The following GALNT13 variants were observed in gnomAD, a reference collection of about 807,000 sequenced individuals.
GALNT13 encodes UDP-GalNAc:polypeptide N-acetylgalactosaminyltransferase 13.
A neutral mutation model predicts 64.2 loss-of-function variants in GALNT13; 28 were observed. The observed-to-expected ratio is 0.44, with a 90% confidence interval of 0.32 to 0.60. The LOEUF is 0.60. Ranked by LOEUF, GALNT13 falls within the 20% of genes least tolerant of loss-of-function variation. The pLI, the probability that GALNT13 is intolerant of heterozygous loss-of-function variation, is 0.05. For synonymous variants in GALNT13, 214 were observed against 224.6 expected, an observed-to-expected ratio of 0.95 and a Z score of 0.42; for missense variants, 577 against 669.8, an observed-to-expected ratio of 0.86 and a Z score of 1.53.
the GALNT13 span, among the ~76,000 whole-genome samples, chr2:153,590,329 A>G: frequency 1.3e-5 from 2 of 152,168 alleles, no homozygotes; most frequent in African/African-American, 4.8e-5. Flanking sequence ...AAATAGTGAG[A>G]TTGAATTAGT....
chr2:153,792,968 T>G, the GALNT13 span, among the ~76,000 whole-genome samples: 1 of 144,632 alleles, frequency 6.9e-6, no homozygotes, highest in Non-Finnish European at 1.5e-5. Flanking sequence ...TTTTCTTTCT[T>G]TCTTTTTTTT....
At chr2:154,413,332 C>T (rs1010760747) in intron 11 of GALNT13, among the ~76,000 whole-genome samples, 19 of 151,928 alleles carry the variant, frequency 1.3e-4, no homozygotes, top group African/African-American at 4.3e-4. Context: ...GGAAAAATGT[C>T]CCTACATCTT....
chr2:153,394,575 A>G, the GALNT13 span, among the ~76,000 whole-genome samples: 1 of 152,122 alleles, frequency 6.6e-6, no homozygotes, highest in African/African-American at 2.4e-5. Flanking sequence ...AAAACTTAGC[A>G]TGAACTCCCT....
At chr2:153,273,458 T>C in the GALNT13 span, among the ~76,000 whole-genome samples, 1 of 152,178 alleles carries the variant, frequency 6.6e-6, no homozygotes, top group Admixed American at 6.6e-5. Flanking sequence ...ATAATGCTTC[T>C]TACCCGGTAC....
intron 11 of GALNT13, among the ~76,000 whole-genome samples, chr2:154,422,589 G>A (rs541452157): frequency 1.3e-5 from 2 of 152,228 alleles, no homozygotes; most frequent in East Asian, 3.9e-4. Flanking sequence ...CAGCTCTCTA[G>A]TTCTAACTCT....
At chr2:154,198,310 C>T (rs764026098) in intron 4 of GALNT13, among the ~76,000 whole-genome samples, 1 of 151,906 alleles carries the variant, frequency 6.6e-6, no homozygotes, top group Non-Finnish European at 1.5e-5. Flanking sequence ...TTAATTGTAC[C>T]TCACATGCTT....
At chr2:153,113,570 T>G in the GALNT13 span, among the ~76,000 whole-genome samples, 1 of 152,202 alleles carries the variant, frequency 6.6e-6, no homozygotes. Flanking sequence ...AGAGTACTTA[T>G]AATACTTCAT....
the GALNT13 span, among the ~76,000 whole-genome samples, chr2:153,855,053 A>C: frequency 4.6e-5 from 7 of 152,188 alleles, no homozygotes; most frequent in Admixed American, 6.5e-5. Flanking sequence ...AAACAAGCCT[A>C]CTTGTATATG....
the GALNT13 span, among the ~76,000 whole-genome samples, chr2:153,675,955 A>G: frequency 6.6e-6 from 1 of 152,146 alleles, no homozygotes; most frequent in Non-Finnish European, 1.5e-5. Flanking sequence ...ACCTAGAGGA[A>G]CTAGAAAAAC....
At position 153,944,398 on chromosome 2, in the gene GALNT13, A is replaced by G; in HGVS notation, c.-100A>G. ...TTCTTCTTTGTTTTAATGCAGTGGA[A>G]TGTATCCTGCTTTCATCTTGGAGTT... On this transcript the variant is annotated 5_prime_UTR_variant, in exon 3 of 13. The change abolishes an upstream ATG in the 5' untranslated region. Coordinates refer to ENST00000392825, the MANE Select transcript of GALNT13 (RefSeq NM_052917.4). 3.9e-6 allele frequency: 4 copies of G among 1,031,074 alleles called. No individual in the cohort carries two copies. Among genetic ancestry groups the G allele is most frequent in the Non-Finnish European group, 5.7e-6 (4 of 697,644 alleles). 63.9% of individuals were successfully genotyped at this position (1,031,074 alleles called of 1,614,324 possible).
At chr2:154,216,883 C>T (rs1261314952) in intron 4 of GALNT13, among the ~76,000 whole-genome samples, 5 of 131,476 alleles carry the variant, frequency 3.8e-5, no homozygotes, top group Non-Finnish European at 7.7e-5. Context: ...GATTATAGCT[C>T]ATTGCCTCAA....
chr2:153,207,607 G>A, the GALNT13 span, among the ~76,000 whole-genome samples: 1 of 152,020 alleles, frequency 6.6e-6, no homozygotes, highest in Admixed American at 6.5e-5. Flanking sequence ...ATTTTCATAA[G>A]AAGAGAAAGA....
intron 3 of GALNT13, among the ~76,000 whole-genome samples, chr2:154,064,810 G>C (rs1167074577): frequency 6.6e-6 from 1 of 152,122 alleles, no homozygotes; most frequent in Non-Finnish European, 1.5e-5. Context: ...CCCAGCAGTG[G>C]TGACTATGAG....
chr2:153,171,672 G>A, the GALNT13 span, among the ~76,000 whole-genome samples: 1 of 152,156 alleles, frequency 6.6e-6, no homozygotes, highest in African/African-American at 2.4e-5. Flanking sequence ...GAATCTGGCT[G>A]TAACCTGGCT....
the GALNT13 span, among the ~76,000 whole-genome samples, chr2:153,629,484 TAC>T: frequency 6.6e-6 from 1 of 152,190 alleles, no homozygotes; most frequent in East Asian, 1.9e-4. Context: ...TTACACCTTA[TAC>T]AAAAATTAAT....
chr2:153,397,198 G>C, the GALNT13 span, among the ~76,000 whole-genome samples: 5 of 152,122 alleles, frequency 3.3e-5, no homozygotes, highest in Admixed American at 3.3e-4. Context: ...GTTAGTATCA[G>C]AAAGTAAAAG....
chr2:154,037,973 G>GA (rs1443021047), intron 3 of GALNT13, among the ~76,000 whole-genome samples: 1 of 152,002 alleles, frequency 6.6e-6, no homozygotes, highest in Non-Finnish European at 1.5e-5. Flanking sequence ...CATAGCAAGG[G>GA]ACAACTCTAC....
At chr2:154,393,485 A>G (rs898150034) in intron 9 of GALNT13, among the ~76,000 whole-genome samples, 2 of 152,150 alleles carry the variant, frequency 1.3e-5, no homozygotes, top group African/African-American at 4.8e-5. Context: ...GTTTGTGAGG[A>G]CTGTTGTCTC....
chr2:153,861,351 T>A, the GALNT13 span, among the ~76,000 whole-genome samples: 1 of 152,138 alleles, frequency 6.6e-6, no homozygotes, highest in African/African-American at 2.4e-5. Flanking sequence ...TTATTCCATG[T>A]CTGTTTTAAA....
Sources: gnomAD v4.1 joint callset for allele counts (sites outside exome capture counted in the v4.1 genomes callset) on GRCh38, gnomAD v4.1.1 for gene constraint, MANE v1.5 for transcripts, NCBI Gene and HGNC (gene_info 2026-07-23, HGNC 2026-07-21) for gene names.